Variants in SLC8A2 observed in about 807,000 individuals in gnomAD.
SLC8A2 encodes solute carrier family 8 member A2.
A neutral mutation model predicts 70.2 loss-of-function variants in SLC8A2; 14 were observed. The ratio of observed to expected loss-of-function variants is 0.20; its 90% CI spans 0.13 to 0.31. The LOEUF (loss-of-function observed/expected upper bound fraction) is 0.31, where lower values mean the gene tolerates loss of function less well. Among genes scored for constraint, SLC8A2 ranks in the 10% least tolerant of loss-of-function variants. The pLI is 1.00. For synonymous variants in SLC8A2, 575 were observed against 594.3 expected (o/e 0.97, Z 0.47); for missense variants, 779 against 1,320.1 (o/e 0.59, Z 6.35).
chr19:47,458,982 C>T (rs1302801514), intron 2 of SLC8A2, among the ~76,000 whole-genome samples: 1 of 151,056 alleles, frequency 6.6e-6, no homozygotes, highest in Non-Finnish European at 1.5e-5. Context: ...CTGCCTCTCC[C>T]TATCTCTCCC....
chr19:47,432,669 C>T lies in SLC8A2; in HGVS notation c.2111-224G>A. 1 of 479,178 alleles carries T rather than the reference C, an allele frequency of 2.1e-6. No homozygotes were observed. Among genetic ancestry groups the T allele is most frequent in the Non-Finnish European group, 3.7e-6 (1 of 273,832 alleles). The allele number at this position is 479,178 out of a possible 1,614,324, so 29.7% of individuals were successfully genotyped here. ...GGCCCAGGTGAAAAATATTTACTTT[C>T]CCAGAATCCTTTGGATCTAAATATG... On this transcript the variant is annotated intron_variant, in intron 8 of 9. Transcript: ENST00000236877. This position sits in a 1 kb window ranked among gnomAD's most constrained non-coding sequence, Gnocchi z 6.2.
At chr19:47,460,070 C>T (rs1045124565) in intron 2 of SLC8A2, among the ~76,000 whole-genome samples, 2 of 152,112 alleles carry the variant, frequency 1.3e-5, no homozygotes, top group Non-Finnish European at 2.9e-5. Flanking sequence ...CTTCTCCAAA[C>T]CTCGCCCATC....
chr19:47,439,921 C>G (rs1967080032), intron 6 of SLC8A2, among the ~76,000 whole-genome samples: 1 of 152,184 alleles, frequency 6.6e-6, no homozygotes, highest in African/African-American at 2.4e-5. Flanking sequence ...GCCTGGGCCT[C>G]TCAAAGTGCT....
At chr19:47,459,410 T>C (rs1328071713) in intron 2 of SLC8A2, among the ~76,000 whole-genome samples, 3 of 152,140 alleles carry the variant, frequency 2.0e-5, no homozygotes, top group Non-Finnish European at 4.4e-5. Flanking sequence ...TAGATATCTA[T>C]TTCCCTCCCT....
intron 6 of SLC8A2, among the ~76,000 whole-genome samples, chr19:47,439,603 C>CTTCCTTCCTTTCTTCCTTCCT (rs1555747516): frequency 0.025 from 1,695 of 68,440 alleles, 32 homozygotes; most frequent in African/African-American, 0.14. Context: ...TCTCTTCTCC[C>CTTCCTTCCTTTCTTCCTTCCT]TCCTTCCTTC....
At chr19:47,431,667 A>C (rs959268622) in intron 9 of SLC8A2, among the ~76,000 whole-genome samples, 48 of 133,482 alleles carry the variant, frequency 3.6e-4, no homozygotes, top group African/African-American at 1.1e-3. Flanking sequence ...CAAAAAAAAA[A>C]AAAAAAAAAA....
rs1350487460 is a variant in SLC8A2, at chr19:47,428,380, G to GC, written c.*1708dup. ...GAATGGGGGCATGGAGAGTGGAGGT[G>GC]CGTGGCTTGTGGAAGCCCATGACTG... On this transcript the variant is annotated 3_prime_UTR_variant, in exon 10 of 10. Transcript: ENST00000236877. 1 of 151,558 alleles carries GC rather than the reference G, an allele frequency of 6.6e-6. No individual in the cohort carries two copies. The highest frequency in any genetic ancestry group is 6.6e-5 in the Admixed American group (1 of 15,150). The allele number at this position is 151,558 out of a possible 1,614,324, so 9.4% of individuals were successfully genotyped here.
chr19:47,430,305 C>T lies in SLC8A2; in HGVS notation c.2550G>A (p.Val850=). 6.2e-7 allele frequency: 1 copy of T among 1,612,494 alleles called. No individual in the cohort carries two copies. The highest frequency in any genetic ancestry group is 2.2e-5 in the East Asian group (1 of 44,822). ...CGGAGAAGGCCAGCGTGCCAGTGCG[C>T]ACCTCGAAGGGGCGGCCCTGCACCG... ...YWAVQGRPFE[V]RTGTLAFSVT... The change falls in exon 10 of 10, where the codon GTG becomes GTA. Residue 850 remains valine, a synonymous_variant. Transcript: ENST00000236877. The surrounding 1 kb of genome is among the most constrained non-coding windows in gnomAD (Gnocchi z 5.9).
chr19:47,448,033 G>T lies in SLC8A2; in HGVS notation c.1539C>A (p.Thr513=), dbSNP rs61742862. Residue 513 remains threonine (T), a synonymous_variant, in exon 4 of 10, where the codon ACC becomes ACA. Transcript: ENST00000236877. The surrounding 1 kb of genome is among the most constrained non-coding windows in gnomAD (Gnocchi z 4.8). ...KGRLVAPLLA[T]VTILDDDHAG... ...CGTGGTCGTCGTCCAGGATGGTGAC[G>T]GTGGCCAGCAGCGGCGCCACCAGCC... 801 of 1,568,020 alleles carry T rather than the reference G, an allele frequency of 5.1e-4. 5 individuals carry two copies. The African/African-American group carries it at 8.8e-3, about 17-fold the overall frequency.
Position 47,456,913 on chromosome 19 carries a change from C to T in SLC8A2, c.1340+17G>A. On this transcript the variant is annotated intron_variant, in intron 3 of 9. Transcript: ENST00000236877. ...CTGCGCCAGCCCCCTGCACACCCCC[C>T]ACCCCGGGGGACCCACCTGTACTCG... 6.4e-7 allele frequency: 1 copy of T among 1,572,074 alleles called. No individual in the cohort carries two copies. Among genetic ancestry groups the T allele is most frequent in the East Asian group, 2.3e-5 (1 of 42,858 alleles).
chr19:47,449,154 T>C (rs981249122), intron 3 of SLC8A2, among the ~76,000 whole-genome samples: 26 of 152,002 alleles, frequency 1.7e-4, no homozygotes, highest in Non-Finnish European at 7.4e-5. Context: ...AAACACAGGA[T>C]GTCAGGTGGT....
intron 3 of SLC8A2, among the ~76,000 whole-genome samples, chr19:47,449,617 C>T (rs148829231): frequency 6.6e-6 from 1 of 152,274 alleles, no homozygotes; most frequent in East Asian, 1.9e-4. Flanking sequence ...AGCAACCGTG[C>T]CTGGCCAAAA....
At position 47,437,509 on chromosome 19, in the gene SLC8A2, G is replaced by C. The variant is rs2122617226; in HGVS notation, c.2063C>G (p.Thr688Ser). Reference protein sequence around the residue: ...KKTNLALVIGTHSWREQFLEA... With the variant: ...KKTNLALVIGSHSWREQFLEA... Reference sequence around the variant, plus strand: ...TAAAAACTGCTCCCTCCATGAATGGGTCCCAATTACCAAGGCCAAGTTCGT... The same window carrying C: ...TAAAAACTGCTCCCTCCATGAATGGCTCCCAATTACCAAGGCCAAGTTCGT... The change falls in exon 8 of 10, where the codon ACC (threonine) becomes AGC (serine). Residue 688 changes from threonine (T) to serine (S), a missense_variant. This residue lies in a region of SLC8A2 where 247 missense variants were observed against 362.8 expected (regional missense o/e 0.68). Transcript: ENST00000236877. The C allele has an allele frequency of 6.2e-7, 1 of 1,613,780 alleles. No individual in the cohort carries two copies. Among genetic ancestry groups the C allele is most frequent in the East Asian group, 2.2e-5 (1 of 44,860 alleles).
chr19:47,444,453 G>C (rs995549449), intron 4 of SLC8A2, among the ~76,000 whole-genome samples: 2 of 152,172 alleles, frequency 1.3e-5, no homozygotes, highest in Non-Finnish European at 2.9e-5. Flanking sequence ...TGGGTGGAAA[G>C]AAAGGGCCGC....
At chr19:47,437,359 G>A (rs966783200) in intron 8 of SLC8A2, 103 bp downstream of exon 8, 11 of 876,664 alleles carry the variant, frequency 1.3e-5, no homozygotes, top group Middle Eastern at 2.2e-4. Flanking sequence ...CACCGCGCCC[G>A]GCCTGTTTAT....
At position 47,439,631 on chromosome 19, in the gene SLC8A2, T is replaced by TTCCTTCCTTCCTTCCTTCCC. The variant is rs1207305825; in HGVS notation, c.1885+1537_1885+1538insGGGAAGGAAGGAAGGAAGGA. Among the ~76,000 whole-genome samples the TTCCTTCCTTCCTTCCTTCCC allele has an allele frequency of 2.0e-4, 31 of 151,446 alleles. 1 individual carries two copies. Among genetic ancestry groups the TTCCTTCCTTCCTTCCTTCCC allele is most frequent in the African/African-American group, 7.5e-4 (31 of 41,162 alleles). The stretch of plus-strand genomic sequence containing the variant: ...CTTCCTTCCTTTCTTCCTTCCTTCC[T>TTCCTTCCTTCCTTCCTTCCC]TCCTTCCTTCCTCCCCTCCCTCCCT... On this transcript the variant is annotated intron_variant, in intron 6 of 9. Transcript: ENST00000236877.
At chr19:47,434,053 T>A (rs1966996299) in intron 8 of SLC8A2, among the ~76,000 whole-genome samples, 2 of 152,250 alleles carry the variant, frequency 1.3e-5, no homozygotes, top group Admixed American at 6.5e-5. Flanking sequence ...CACACTTGTG[T>A]GTGGCACGCA....
chr19:47,456,923 G>A lies in SLC8A2; in HGVS notation c.1340+7C>T. On this transcript the variant is annotated splice_region_variant and intron_variant, in intron 3 of 9. Transcript: ENST00000236877. Reference sequence around the variant, plus strand: ...CCCCTGCACACCCCCCACCCCGGGGGACCCACCTGTACTCGTAGTCGGAGC... The same window carrying A: ...CCCCTGCACACCCCCCACCCCGGGGAACCCACCTGTACTCGTAGTCGGAGC... 2 of 1,586,468 alleles carry A rather than the reference G, an allele frequency of 1.3e-6. No individual in the cohort carries two copies. The highest frequency in any genetic ancestry group is 1.7e-6 in the Non-Finnish European group (2 of 1,167,262).
At chr19:47,450,410 C>T (rs955257710) in intron 3 of SLC8A2, among the ~76,000 whole-genome samples, 1 of 152,026 alleles carries the variant, frequency 6.6e-6, no homozygotes, top group Non-Finnish European at 1.5e-5. Context: ...GTAGTCCCAG[C>T]TACTCTGGAG....
Sources: gnomAD v4.1 joint callset for allele counts (sites outside exome capture counted in the v4.1 genomes callset) on GRCh38, gnomAD v4.1.1 for gene constraint, gnomAD v4.1.1 regional missense constraint, Gnocchi (gnomAD v3.1) non-coding constraint, MANE v1.5 for transcripts, NCBI Gene and HGNC (gene_info 2026-07-23, HGNC 2026-07-21) for gene names.